The following CNTN5 variants were observed in gnomAD, a reference collection of about 807,000 sequenced individuals.
The protein encoded by CNTN5 is contactin-5.
CNTN5 carries 77 observed loss-of-function variants against 129.1 expected under a neutral mutation model. That is an observed-to-expected ratio of 0.60 (90% CI 0.50 to 0.72). The LOEUF is 0.72. Ranked by LOEUF, CNTN5 falls within the 30% of genes least tolerant of loss-of-function variation. The pLI, the probability that CNTN5 is intolerant of heterozygous loss-of-function variation, is 0.00. For synonymous variants in CNTN5, 509 were observed against 465.6 expected (o/e 1.09, Z -1.20); for missense variants, 1,478 against 1,328.8 (o/e 1.11, Z -1.75).
chr11:99,518,270 T>C (rs1444694421), intron 2 of CNTN5, among the ~76,000 whole-genome samples: 2 of 152,088 alleles, frequency 1.3e-5, no homozygotes, highest in Non-Finnish European at 2.9e-5. Context: ...GAAAGCAGCA[T>C]TGTTAAGACT....
chr11:99,308,637 TACTA>T, intron 1 of CNTN5, among the ~76,000 whole-genome samples: 2 of 152,300 alleles, frequency 1.3e-5, no homozygotes, highest in Middle Eastern at 6.8e-3. Context: ...AAATATGAAT[TACTA>T]TAAGCTTTCA....
chr11:99,903,291 G>A lies in CNTN5; in HGVS notation c.578-12763G>A, dbSNP rs940520979. Among the ~76,000 whole-genome samples, 3 of 151,500 alleles carry A rather than the reference G, an allele frequency of 2.0e-5. No homozygotes were observed. In the East Asian group the frequency reaches 6.0e-4, roughly 30 times the overall value. ...AAGGGCTGTTTAGATTTTTACTTTG[G>A]TTATGGTATAACCATAACCAAAACC... On this transcript the variant is annotated intron_variant, in intron 6 of 24. Transcript: ENST00000524871.
chr11:99,117,612 C>T (rs1858103722), intron 1 of CNTN5, among the ~76,000 whole-genome samples: 1 of 152,238 alleles, frequency 6.6e-6, no homozygotes, highest in African/African-American at 2.4e-5. Flanking sequence ...CTCCAAAATT[C>T]ATAGGTAGAA....
chr11:99,931,237 G>T (rs1165602744), intron 7 of CNTN5, among the ~76,000 whole-genome samples: 1 of 152,028 alleles, frequency 6.6e-6, no homozygotes, highest in Admixed American at 6.5e-5. Flanking sequence ...GTACTTAATT[G>T]TAATATATTT....
At chr11:100,093,095 C>T (rs1251925097) in intron 13 of CNTN5, among the ~76,000 whole-genome samples, 1 of 151,962 alleles carries the variant, frequency 6.6e-6, no homozygotes, top group East Asian at 1.9e-4. Flanking sequence ...GAGTATTGTC[C>T]CTGATCCGCC....
chr11:99,362,089 A>G (rs934103951), intron 2 of CNTN5, among the ~76,000 whole-genome samples: 2 of 152,094 alleles, frequency 1.3e-5, no homozygotes, highest in South Asian at 2.1e-4. Flanking sequence ...TATTCCCACT[A>G]TCAACTCACA....
At chr11:99,243,302 T>C (rs1861654000) in intron 1 of CNTN5, among the ~76,000 whole-genome samples, 1 of 152,054 alleles carries the variant, frequency 6.6e-6, no homozygotes, top group African/African-American at 2.4e-5. Flanking sequence ...CATTTTTTAA[T>C]GGGATTATTT....
At chr11:99,548,295 T>C (rs1417405964) in intron 2 of CNTN5, among the ~76,000 whole-genome samples, 3 of 152,210 alleles carry the variant, frequency 2.0e-5, no homozygotes, top group Admixed American at 6.5e-5. Flanking sequence ...TCACAGTTTA[T>C]TTAGGCAAAT....
At chr11:99,971,096 T>C (rs1298596144) in intron 8 of CNTN5, among the ~76,000 whole-genome samples, 1 of 152,194 alleles carries the variant, frequency 6.6e-6, no homozygotes, top group Non-Finnish European at 1.5e-5. Flanking sequence ...CTTGTCCATA[T>C]TGAAATTCAT....
At chr11:100,063,685 C>A (rs1943573234) in intron 10 of CNTN5, among the ~76,000 whole-genome samples, 1 of 143,694 alleles carries the variant, frequency 7.0e-6, no homozygotes. Context: ...TTTGGGAGGC[C>A]ATAGCAGCTG....
At chr11:99,429,188 G>A (rs1943260631) in intron 2 of CNTN5, among the ~76,000 whole-genome samples, 1 of 139,340 alleles carries the variant, frequency 7.2e-6, no homozygotes, top group Non-Finnish European at 1.5e-5. Context: ...ATGTGAACTT[G>A]AAAAAGCATT....
intron 1 of CNTN5, among the ~76,000 whole-genome samples, chr11:99,285,214 T>C (rs1302713670): frequency 6.6e-6 from 1 of 152,144 alleles, no homozygotes; most frequent in Non-Finnish European, 1.5e-5. Flanking sequence ...ACTAACATAA[T>C]TTGTTATTGC....
At chr11:99,410,775 A>G (rs747727962) in intron 2 of CNTN5, among the ~76,000 whole-genome samples, 18 of 152,166 alleles carry the variant, frequency 1.2e-4, no homozygotes, top group Non-Finnish European at 1.8e-4. Context: ...GGCACATGCT[A>G]TTTTGGAAAT....
chr11:99,204,769 A>G (rs989258524), intron 1 of CNTN5, among the ~76,000 whole-genome samples: 4 of 152,208 alleles, frequency 2.6e-5, no homozygotes, highest in African/African-American at 9.6e-5. Flanking sequence ...AAGCTCTGCA[A>G]CAGCATGAAT....
At chr11:99,376,682 C>T (rs1188658873) in intron 2 of CNTN5, among the ~76,000 whole-genome samples, 1 of 152,098 alleles carries the variant, frequency 6.6e-6, no homozygotes, top group Non-Finnish European at 1.5e-5. Context: ...ATAGACTTTA[C>T]CCCAGTCGCT....
At chr11:99,268,919 A>T (rs1863035885) in intron 1 of CNTN5, among the ~76,000 whole-genome samples, 2 of 151,986 alleles carry the variant, frequency 1.3e-5, no homozygotes, top group South Asian at 4.1e-4. Flanking sequence ...ATCTCCAATG[A>T]CCCTAAAATC....
At chr11:99,728,433 C>A (rs1943424067) in intron 3 of CNTN5, among the ~76,000 whole-genome samples, 1 of 152,054 alleles carries the variant, frequency 6.6e-6, no homozygotes, top group African/African-American at 2.4e-5. Flanking sequence ...AAGAGTAGCT[C>A]TTTGTTGTTG....
rs182397671 is a variant in CNTN5, at chr11:99,758,362, C to T, written c.56-61182C>T. The stretch of plus-strand genomic sequence containing the variant: ...ATTATATGATCCTGCTTACAAAGAA[C>T]TTATACTTTATTTGTCAGACCAGAC... On this transcript the variant is annotated intron_variant, in intron 3 of 24. Transcript: ENST00000524871. Among the ~76,000 whole-genome samples, 6 of 152,124 alleles carry T rather than the reference C, an allele frequency of 3.9e-5. No individual in the cohort carries two copies. The East Asian group carries it at 9.7e-4, about 24-fold the overall frequency.
chr11:99,123,761 C>A (rs1858476947), intron 1 of CNTN5, among the ~76,000 whole-genome samples: 2 of 151,468 alleles, frequency 1.3e-5, no homozygotes, highest in African/African-American at 4.9e-5. Flanking sequence ...AATCTTCTGC[C>A]TATGGCTAGC....
Sources: allele counts gnomAD v4.1 joint callset (sites outside exome capture counted in the v4.1 genomes callset), GRCh38; gene constraint gnomAD v4.1.1; transcripts MANE v1.5; gene names NCBI Gene and HGNC (gene_info 2026-07-23, HGNC 2026-07-21).